DMD: variants seen among roughly 807,000 people sequenced by gnomAD.
The protein encoded by DMD is mutant dystrophin.
DMD carries 63 observed loss-of-function variants against 330.1 expected under a neutral mutation model. The observed-to-expected ratio is 0.19, with a 90% CI of 0.16 to 0.24. DMD has a LOEUF of 0.24. Among genes scored for constraint, DMD ranks in the 10% least tolerant of loss-of-function variants. The pLI, the probability that DMD is intolerant of heterozygous loss-of-function variation, is 1.00. For missense variants in DMD, 3,344 were observed against 2,684.1 expected (o/e 1.25, Z -5.43); for synonymous variants, 1,223 against 959.8 (o/e 1.27, Z -5.07).
At chrX:32,363,304 T>C (rs2097843722) in intron 36 of DMD, among the ~76,000 whole-genome samples, 1 of 112,072 alleles carries the variant, frequency 8.9e-6, no homozygotes, top group Non-Finnish European at 1.9e-5. Flanking sequence ...TTCTATTTAG[T>C]CTTATTTTAT....
intron 37 of DMD, 49 bp downstream of exon 37, chrX:32,362,739 G>A (rs765333345): frequency 5.9e-6 from 7 of 1,194,009 alleles, no homozygotes; most frequent in South Asian, 5.3e-5. Context: ...CGCAACCTTC[G>A]CAAGAGACCA....
intron 9 of DMD, among the ~76,000 whole-genome samples, chrX:32,666,392 G>A (rs1358026889): frequency 1.8e-5 from 2 of 110,401 alleles, no homozygotes; most frequent in Non-Finnish European, 1.9e-5. Flanking sequence ...GGTGTGTGAT[G>A]TTCCCCTCCC....
chrX:31,327,523 G>A (rs2056859216), intron 61 of DMD, among the ~76,000 whole-genome samples: 1 of 112,215 alleles, frequency 8.9e-6, no homozygotes, highest in Non-Finnish European at 1.9e-5. Flanking sequence ...GAATGCTAAT[G>A]TTATTTTAAG....
chrX:32,641,118 T>A (rs1468120382), intron 11 of DMD, among the ~76,000 whole-genome samples: 1 of 111,230 alleles, frequency 9.0e-6, no homozygotes, highest in Non-Finnish European at 1.9e-5. Flanking sequence ...AATCTCAAAC[T>A]AAATGGTACC....
chrX:31,385,921 G>A (rs1455128259), intron 60 of DMD, among the ~76,000 whole-genome samples: 1 of 112,039 alleles, frequency 8.9e-6, no homozygotes, highest in Non-Finnish European at 1.9e-5. Context: ...GAAGACACAT[G>A]CACACGTATG....
intron 60 of DMD, among the ~76,000 whole-genome samples, chrX:31,366,365 A>G (rs1311818685): frequency 1.9e-5 from 2 of 104,050 alleles, no homozygotes; most frequent in Non-Finnish European, 3.9e-5. Context: ...AAGACCCCAG[A>G]AAGTGGTTTT....
At chrX:33,223,468 C>T (rs1213363617) in intron 1 of DMD, among the ~76,000 whole-genome samples, 1 of 112,268 alleles carries the variant, frequency 8.9e-6, no homozygotes, top group Non-Finnish European at 1.9e-5. Flanking sequence ...CAGGAATAAA[C>T]CCACATAAAT....
chrX:31,617,534 C>CA (rs749572753), intron 55 of DMD, among the ~76,000 whole-genome samples: 8,635 of 31,736 alleles, frequency 0.27, 2,070 homozygotes, highest in Non-Finnish European at 0.33. Context: ...GACTTCGTCT[C>CA]AAAAAAAAAA....
chrX:33,208,713 C>T (rs1440792618), intron 1 of DMD, among the ~76,000 whole-genome samples: 1 of 110,433 alleles, frequency 9.1e-6, no homozygotes, highest in African/African-American at 3.3e-5. Context: ...AATATATATA[C>T]TCATACCAAA....
chrX:33,223,063 A>T (rs2052213208), intron 1 of DMD, among the ~76,000 whole-genome samples: 1 of 112,060 alleles, frequency 8.9e-6, no homozygotes, highest in African/African-American at 3.2e-5. Flanking sequence ...TAATCCCAGC[A>T]CTTTGGGAGG....
intron 48 of DMD, among the ~76,000 whole-genome samples, chrX:31,844,299 A>AT (rs35743535): frequency 0.38 from 37,226 of 96,884 alleles, 5,740 homozygotes; most frequent in Admixed American, 0.53. Context: ...TCCTTTCCCC[A>AT]TTTTTTTTTT....
At chrX:31,473,235 G>T (rs1388089481) in intron 59 of DMD, among the ~76,000 whole-genome samples, 3 of 108,264 alleles carry the variant, frequency 2.8e-5, no homozygotes, top group African/African-American at 1.0e-4. Context: ...CAGGCGTGGT[G>T]GCACATGTCT....
chrX:32,631,647 C>T (rs1393962929), intron 11 of DMD, among the ~76,000 whole-genome samples: 1 of 111,256 alleles, frequency 9.0e-6, no homozygotes, highest in Non-Finnish European at 1.9e-5. Flanking sequence ...TGGCAAATTG[C>T]GAAGGAGGAG....
At chrX:31,341,125 T>C (rs1282481133) in intron 61 of DMD, among the ~76,000 whole-genome samples, 2 of 112,081 alleles carry the variant, frequency 1.8e-5, no homozygotes. Flanking sequence ...AGTTATACTA[T>C]CAAGCTGATA....
At chrX:31,850,381 T>C (rs2093502466) in intron 48 of DMD, among the ~76,000 whole-genome samples, 1 of 112,369 alleles carries the variant, frequency 8.9e-6, no homozygotes, top group Admixed American at 9.5e-5. Context: ...TTGTGGATAC[T>C]ATGGTTGATT....
chrX:33,086,106 T>C (rs1317513631), intron 1 of DMD, among the ~76,000 whole-genome samples: 4 of 111,892 alleles, frequency 3.6e-5, no homozygotes, highest in Non-Finnish European at 5.6e-5. Flanking sequence ...ATCAATGACA[T>C]AGCTGAACTT....
At chrX:32,232,486 C>G (rs904662258) in intron 43 of DMD, among the ~76,000 whole-genome samples, 1 of 111,062 alleles carries the variant, frequency 9.0e-6, no homozygotes, top group South Asian at 3.8e-4. Flanking sequence ...CAGGATGACA[C>G]CATGTTAGAA....
chrX:33,242,674 T>C (rs2052604969), intron 1 of DMD, among the ~76,000 whole-genome samples: 1 of 111,996 alleles, frequency 8.9e-6, no homozygotes, highest in Non-Finnish European at 1.9e-5. Flanking sequence ...CTCCACACTG[T>C]TTTCCATAGC....
chrX:32,993,049 G>T (rs376218572), intron 2 of DMD, among the ~76,000 whole-genome samples: 8 of 111,934 alleles, frequency 7.1e-5, no homozygotes, highest in South Asian at 7.3e-4. Flanking sequence ...CTTTGGCAAA[G>T]CTCCCATTTA....
Sources: allele counts gnomAD v4.1 joint callset (sites outside exome capture counted in the v4.1 genomes callset), GRCh38; gene constraint gnomAD v4.1.1; transcripts MANE v1.5; gene names NCBI Gene and HGNC (gene_info 2026-07-23, HGNC 2026-07-21).